Variants in PXDNL observed in about 807,000 individuals in gnomAD.
PXDNL encodes the protein probable oxidoreductase PXDNL.
A neutral mutation model predicts 150.8 loss-of-function variants in PXDNL; 145 were observed. The observed-to-expected ratio is 0.96, with a 90% CI of 0.84 to 1.10. The LOEUF is 1.10. Ranked by LOEUF, PXDNL falls within the 50% of genes least tolerant of loss-of-function variation. PXDNL has a pLI of 0.00. For synonymous variants in PXDNL, 757 were observed against 725.7 expected, an observed-to-expected ratio of 1.04 and a Z score of -0.69; for missense variants, 2,087 against 1,873.9, an observed-to-expected ratio of 1.11 and a Z score of -2.10.
chr8:51,599,173 T>C (rs1210797380), intron 2 of PXDNL, among the ~76,000 whole-genome samples: 4 of 152,174 alleles, frequency 2.6e-5, no homozygotes, highest in South Asian at 4.1e-4. Flanking sequence ...GTTTGCCTTT[T>C]TGAACAACCA....
At chr8:51,524,524 A>G (rs4873197) in intron 4 of PXDNL, among the ~76,000 whole-genome samples, 32,256 of 152,068 alleles carry the variant, frequency 0.21, 4,303 homozygotes, top group African/African-American at 0.38. Flanking sequence ...AAATCTCAAA[A>G]TTTAGGCAAA....
chr8:51,419,648 A>G (rs569097454), intron 14 of PXDNL, among the ~76,000 whole-genome samples: 22 of 152,320 alleles, frequency 1.4e-4, no homozygotes, highest in Non-Finnish European at 3.1e-4. Context: ...TTTCACGAGG[A>G]CGAAATGAGT....
chr8:51,394,205 A>G (rs985804500), intron 17 of PXDNL, among the ~76,000 whole-genome samples: 1 of 152,246 alleles, frequency 6.6e-6, no homozygotes, highest in African/African-American at 2.4e-5. Context: ...ATAGCACTTC[A>G]TGTAATAAAT....
chr8:51,690,632 G>A (rs1171918506), intron 1 of PXDNL, among the ~76,000 whole-genome samples: 2 of 152,180 alleles, frequency 1.3e-5, no homozygotes, highest in Non-Finnish European at 2.9e-5. Flanking sequence ...ATAAACATAT[G>A]TGTCCATGTG....
rs1810328582 is a variant in PXDNL, at chr8:51,471,342, T to C, written c.812+845A>G. 2.0e-5 allele frequency among the ~76,000 whole-genome samples: 3 copies of C among 152,348 alleles called. No homozygotes were observed. The South Asian group carries it at 6.2e-4, about 32-fold the overall frequency. ...ATTTAACTTTTTTAACATTTGTTAT[T>C]ACTATTTAATTTTATGCTCACAGGT... On this transcript the variant is annotated intron_variant, in intron 8 of 22. Coordinates refer to ENST00000356297, the MANE Select transcript of PXDNL (RefSeq NM_144651.5).
At chr8:51,451,013 A>G (rs1809796706) in intron 10 of PXDNL, among the ~76,000 whole-genome samples, 1 of 152,164 alleles carries the variant, frequency 6.6e-6, no homozygotes, top group Non-Finnish European at 1.5e-5. Flanking sequence ...AAAGAGCTAT[A>G]TAACAAAAGA....
At chr8:51,806,373 C>T (rs1018760387) in intron 1 of PXDNL, among the ~76,000 whole-genome samples, 22 of 152,102 alleles carry the variant, frequency 1.4e-4, no homozygotes, top group African/African-American at 4.1e-4. Context: ...TACATAAGGG[C>T]GGTTTAACAA....
intron 17 of PXDNL, among the ~76,000 whole-genome samples, chr8:51,403,729 C>T (rs1485285769): frequency 1.3e-5 from 2 of 152,180 alleles, no homozygotes; most frequent in African/African-American, 4.8e-5. Flanking sequence ...CTAAATGTGT[C>T]TACCCAAAAT....
At chr8:51,352,329 C>T (rs1163644094) in intron 19 of PXDNL, among the ~76,000 whole-genome samples, 5 of 152,128 alleles carry the variant, frequency 3.3e-5, no homozygotes, top group Admixed American at 6.5e-5. Flanking sequence ...AGCAAAAACA[C>T]GAGATCAACC....
chr8:51,629,910 C>T (rs956417082), intron 2 of PXDNL, among the ~76,000 whole-genome samples: 2 of 151,998 alleles, frequency 1.3e-5, no homozygotes, highest in African/African-American at 2.4e-5. Context: ...CTACAAATGA[C>T]ATTTTTCAAA....
intron 1 of PXDNL, among the ~76,000 whole-genome samples, chr8:51,765,080 C>T (rs2037212932): frequency 6.6e-6 from 1 of 152,134 alleles, no homozygotes; most frequent in South Asian, 2.1e-4. Flanking sequence ...TGTATGTTGT[C>T]TGATATTACT....
At chr8:51,616,912 G>C (rs1440184038) in intron 2 of PXDNL, among the ~76,000 whole-genome samples, 1 of 152,012 alleles carries the variant, frequency 6.6e-6, no homozygotes, top group Non-Finnish European at 1.5e-5. Flanking sequence ...GTAAATAGTT[G>C]TTATTCTATA....
chr8:51,460,692 C>A (rs1331324381), intron 8 of PXDNL, among the ~76,000 whole-genome samples: 1 of 151,836 alleles, frequency 6.6e-6, no homozygotes, highest in African/African-American at 2.4e-5. Flanking sequence ...CACACCCCCA[C>A]AATGGACCTC....
intron 17 of PXDNL, among the ~76,000 whole-genome samples, chr8:51,381,622 C>CTTTATTTATTTA (rs143944182): frequency 4.2e-5 from 6 of 141,842 alleles, no homozygotes; most frequent in African/African-American, 1.6e-4. Context: ...TGACTGGTGT[C>CTTTATTTATTTA]TTTATTTATT....
chr8:51,739,718 A>T (rs1229372473), intron 1 of PXDNL, among the ~76,000 whole-genome samples: 1 of 152,044 alleles, frequency 6.6e-6, no homozygotes, highest in Middle Eastern at 3.4e-3. Flanking sequence ...ACTAAAAAAA[A>T]ATAAAAAATT....
chr8:51,564,900 G>C (rs1812785344), intron 3 of PXDNL, among the ~76,000 whole-genome samples: 1 of 151,826 alleles, frequency 6.6e-6, no homozygotes. Context: ...GATTGTTTGG[G>C]ATTTTATTGA....
In PXDNL at chr8:51,511,182, A is replaced by G. The variant is rs547044474; in HGVS notation, c.381-11412T>C. 3.3e-5 allele frequency among the ~76,000 whole-genome samples: 5 copies of G among 152,278 alleles called. No individual in the cohort carries two copies. In the East Asian group the frequency reaches 9.7e-4, roughly 29 times the overall value. On this transcript the variant is annotated intron_variant, in intron 4 of 22. Transcript: ENST00000356297. ...CATCTTCTTATTTGACCCCTCAATC[A>G]TTCTGTGATGCTGTGGCTGATGATA...
chr8:51,616,416 CA>C (rs1814131531), intron 2 of PXDNL, among the ~76,000 whole-genome samples: 2 of 152,060 alleles, frequency 1.3e-5, no homozygotes, highest in African/African-American at 4.8e-5. Context: ...TTCTTTGGGC[CA>C]AAAACTAAAC....
intron 2 of PXDNL, among the ~76,000 whole-genome samples, chr8:51,600,625 T>G (rs1401093514): frequency 7.3e-6 from 1 of 136,968 alleles, no homozygotes; most frequent in Non-Finnish European, 1.5e-5. Context: ...AATTATATCT[T>G]ATATAAATTA....
Sources: gnomAD v4.1 joint callset for allele counts (sites outside exome capture counted in the v4.1 genomes callset) on GRCh38, gnomAD v4.1.1 for gene constraint, MANE v1.5 for transcripts, NCBI Gene and HGNC (gene_info 2026-07-23, HGNC 2026-07-21) for gene names.